The following CALN1 variants were observed in gnomAD, a reference collection of about 807,000 sequenced individuals.
CALN1 encodes the protein calneuron 1.
A neutral mutation model predicts 30.6 loss-of-function variants in CALN1; 17 were observed. That is an observed-to-expected ratio of 0.56 (90% CI 0.38 to 0.83). The LOEUF (loss-of-function observed/expected upper bound fraction) is 0.83, where lower values mean the gene tolerates loss of function less well. Ranked by LOEUF, CALN1 falls within the 40% of genes least tolerant of loss-of-function variation. The pLI is 0.00. For missense variants in CALN1, 291 were observed against 354.9 expected (o/e 0.82, Z 1.45); for synonymous variants, 156 against 131.4 (o/e 1.19, Z -1.28).
intron 5 of CALN1, among the ~76,000 whole-genome samples, chr7:71,971,478 A>AAAG (rs1797795886): frequency 6.6e-6 from 1 of 151,726 alleles, no homozygotes; most frequent in African/African-American, 2.4e-5. Flanking sequence ...CAAACAAAAA[A>AAAG]CCCCGAATAT....
chr7:71,783,206 G>A lies in CALN1; in HGVS notation c.*4569C>T, dbSNP rs556382581. ...GGCCAATGAGAATGTTCTGATTTGA[G>A]GTCTTTTAAGACAGATGTTCTTCAG... On this transcript the variant is annotated 3_prime_UTR_variant, in exon 7 of 7. Transcript: ENST00000395275. The A allele has an allele frequency of 6.6e-6, 1 of 152,036 alleles. No individual in the cohort carries two copies. The highest frequency in any genetic ancestry group is 1.5e-5 in the Non-Finnish European group (1 of 68,022). 9.4% of individuals were successfully genotyped at this position (152,036 alleles called of 1,614,324 possible).
intron 4 of CALN1, among the ~76,000 whole-genome samples, chr7:72,105,243 T>C (rs866981969): frequency 6.6e-6 from 1 of 152,160 alleles, no homozygotes; most frequent in African/African-American, 2.4e-5. Context: ...TTAGCTGCAC[T>C]CTTAACTACA....
chr7:71,969,225 C>T (rs931629476), intron 5 of CALN1, among the ~76,000 whole-genome samples: 2 of 152,098 alleles, frequency 1.3e-5, no homozygotes, highest in Non-Finnish European at 2.9e-5. Flanking sequence ...CTTTTGCAGC[C>T]TGTGAACCCT....
intron 4 of CALN1, among the ~76,000 whole-genome samples, chr7:72,092,606 A>G (rs1380963028): frequency 7.7e-6 from 1 of 130,530 alleles, no homozygotes; most frequent in Non-Finnish European, 1.6e-5. Context: ...AAACTTTTGC[A>G]ATGAATATTG....
chr7:72,186,493 C>T (rs992113885), intron 3 of CALN1, among the ~76,000 whole-genome samples: 12 of 152,094 alleles, frequency 7.9e-5, no homozygotes, highest in Admixed American at 3.9e-4. Flanking sequence ...TCGCATGATG[C>T]TGAGATTTGG....
rs554832982 is a variant in CALN1, at chr7:72,034,129, G to A, written c.389-10360C>T. Reference sequence around the variant, plus strand: ...AGCACTTTGGGAGGCCGAGGTGGGCGTATCACAAGGTCAGGAGATTGAGAC... The same window carrying A: ...AGCACTTTGGGAGGCCGAGGTGGGCATATCACAAGGTCAGGAGATTGAGAC... On this transcript the variant is annotated intron_variant, in intron 4 of 6. Transcript: ENST00000395275. Among the ~76,000 whole-genome samples the A allele has an allele frequency of 5.9e-5, 9 of 151,974 alleles. No individual in the cohort carries two copies. The South Asian group carries it at 8.3e-4, about 14-fold the overall frequency.
intron 3 of CALN1, among the ~76,000 whole-genome samples, chr7:72,160,239 C>A (rs1788002646): frequency 6.6e-6 from 1 of 151,852 alleles, no homozygotes; most frequent in Admixed American, 6.6e-5. Context: ...AGACATCCGT[C>A]ATAATCATCA....
chr7:72,152,448 G>A (rs1235253291), intron 3 of CALN1, among the ~76,000 whole-genome samples: 1 of 152,132 alleles, frequency 6.6e-6, no homozygotes, highest in Non-Finnish European at 1.5e-5. Context: ...GTGCGAGAGA[G>A]CAACACATGA....
At chr7:72,275,002 A>G (rs1355231118) in intron 3 of CALN1, among the ~76,000 whole-genome samples, 1 of 152,104 alleles carries the variant, frequency 6.6e-6, no homozygotes, top group Non-Finnish European at 1.5e-5. Context: ...TCAGAGGATA[A>G]CCATTCACGA....
chr7:71,854,830 A>T (rs1239799851), intron 5 of CALN1, among the ~76,000 whole-genome samples: 1 of 152,254 alleles, frequency 6.6e-6, no homozygotes, highest in Non-Finnish European at 1.5e-5. Flanking sequence ...GAAAAACTAT[A>T]TAATGTGAAG....
chr7:71,979,444 G>A (rs746158503), intron 5 of CALN1, among the ~76,000 whole-genome samples: 6 of 152,028 alleles, frequency 3.9e-5, no homozygotes, highest in South Asian at 2.1e-4. Context: ...CATAAGGAGC[G>A]TGCAACCTAG....
chr7:72,100,891 T>A (rs181499854), intron 4 of CALN1, among the ~76,000 whole-genome samples: 2 of 150,464 alleles, frequency 1.3e-5, no homozygotes, highest in Non-Finnish European at 3.0e-5. Context: ...GAAAAATGAG[T>A]CCAACCTATG....
chr7:71,997,233 T>TAA (rs557353720), intron 5 of CALN1, among the ~76,000 whole-genome samples: 1 of 133,568 alleles, frequency 7.5e-6, no homozygotes, highest in African/African-American at 2.9e-5. Context: ...ATCCTGTCTC[T>TAA]AAAAAAAAAA....
At chr7:72,171,772 T>C (rs1303126214) in intron 3 of CALN1, among the ~76,000 whole-genome samples, 1 of 152,214 alleles carries the variant, frequency 6.6e-6, no homozygotes, top group East Asian at 1.9e-4. Flanking sequence ...ATATTTATTT[T>C]AGAGATCAGT....
intron 4 of CALN1, among the ~76,000 whole-genome samples, chr7:72,061,796 CAAAAAAAA>C (rs1161510912): frequency 4.7e-5 from 4 of 85,120 alleles, no homozygotes; most frequent in East Asian, 4.1e-4. Flanking sequence ...GACTCTGTCT[CAAAAAAAA>C]AAAAAAAAAA....
intron 3 of CALN1, among the ~76,000 whole-genome samples, chr7:72,183,815 C>T (rs1020227751): frequency 1.3e-5 from 2 of 152,086 alleles, no homozygotes; most frequent in African/African-American, 4.8e-5. Flanking sequence ...GTCCAGTATG[C>T]CAGGATGCCG....
chr7:72,299,745 G>C (rs1374439266), intron 2 of CALN1, among the ~76,000 whole-genome samples: 1 of 141,796 alleles, frequency 7.1e-6, no homozygotes, highest in Non-Finnish European at 1.5e-5. Flanking sequence ...GTGTTGCCCA[G>C]ACTGGTTTCA....
At chr7:72,145,822 C>A (rs1226527078) in intron 3 of CALN1, among the ~76,000 whole-genome samples, 2 of 152,122 alleles carry the variant, frequency 1.3e-5, no homozygotes, top group South Asian at 4.1e-4. Flanking sequence ...TCAACATATG[C>A]AAATCAATAA....
intron 4 of CALN1, among the ~76,000 whole-genome samples, chr7:72,103,805 G>A (rs538672724): frequency 6.6e-6 from 1 of 152,142 alleles, no homozygotes; most frequent in East Asian, 1.9e-4. Context: ...GAACAGATCT[G>A]GACAATGGGA....
Sources: allele counts gnomAD v4.1 joint callset (sites outside exome capture counted in the v4.1 genomes callset), GRCh38; gene constraint gnomAD v4.1.1; transcripts MANE v1.5; gene names NCBI Gene and HGNC (gene_info 2026-07-23, HGNC 2026-07-21).